GLRA3: variants seen among roughly 807,000 people sequenced by gnomAD.
The protein encoded by GLRA3 is glycine receptor subunit alpha-3.
GLRA3 carries 44 observed loss-of-function variants against 60.4 expected under a neutral mutation model. The ratio of observed to expected loss-of-function variants is 0.73; its 90% CI spans 0.57 to 0.94. GLRA3 has a LOEUF of 0.94. Among genes scored for constraint, GLRA3 ranks in the 40% least tolerant of loss-of-function variants. GLRA3 has a pLI of 0.00. For missense variants in GLRA3, 508 were observed against 564.6 expected (o/e 0.90, Z 1.02); for synonymous variants, 223 against 192.9 (o/e 1.16, Z -1.29).
At chr4:174,779,490 C>A (rs1013029387) in intron 2 of GLRA3, among the ~76,000 whole-genome samples, 2 of 152,048 alleles carry the variant, frequency 1.3e-5, no homozygotes, top group African/African-American at 2.4e-5. Flanking sequence ...TGAGAGAAGG[C>A]GGCTTCAGAT....
chr4:174,714,195 C>A (rs1429696508), intron 5 of GLRA3, among the ~76,000 whole-genome samples: 1 of 152,148 alleles, frequency 6.6e-6, no homozygotes, highest in East Asian at 1.9e-4. Context: ...AAACAATTTT[C>A]TTGCCCCTTA....
chr4:174,767,056 G>T (rs779693085), intron 2 of GLRA3, 26 bp from the exon 3 acceptor site: 4 of 1,287,276 alleles, frequency 3.1e-6, no homozygotes. Context: ...AAACATAAGG[G>T]CTGTTTAGAG....
intron 3 of GLRA3, among the ~76,000 whole-genome samples, chr4:174,763,071 A>G (rs1561102427): frequency 6.6e-6 from 1 of 152,128 alleles, no homozygotes; most frequent in Non-Finnish European, 1.5e-5. Context: ...TGTTGTTGCT[A>G]TGTAATATTC....
intron 1 of GLRA3, among the ~76,000 whole-genome samples, chr4:174,790,658 A>G (rs1442968409): frequency 1.3e-5 from 2 of 151,836 alleles, no homozygotes; most frequent in African/African-American, 2.4e-5. Flanking sequence ...ACCTGAACCA[A>G]TAATACTCTG....
chr4:174,728,419 C>A lies in GLRA3; in HGVS notation c.491+56G>T, dbSNP rs867875186. The A allele has an allele frequency of 2.6e-5, 25 of 976,396 alleles. No individual in the cohort carries two copies. The Middle Eastern group carries it at 3.8e-3, about 150-fold the overall frequency. The allele number at this position is 976,396 out of a possible 1,614,324, so 60.5% of individuals were successfully genotyped here. On this transcript the variant is annotated intron_variant, in intron 4 of 9. Coordinates refer to ENST00000274093, the MANE Select transcript of GLRA3 (RefSeq NM_006529.4). ...AACTTTCACCAAACAAACCAACCAA[C>A]AATACACCATGATATTCTATTTCAC... is the stretch of plus-strand genomic sequence containing the variant.
At chr4:174,756,266 A>C (rs1417729119) in intron 3 of GLRA3, among the ~76,000 whole-genome samples, 1 of 152,332 alleles carries the variant, frequency 6.6e-6, no homozygotes, top group South Asian at 2.1e-4. Context: ...GGAAACCAGC[A>C]TAATACTGAT....
intron 5 of GLRA3, among the ~76,000 whole-genome samples, chr4:174,685,607 C>T (rs1000424067): frequency 1.3e-5 from 2 of 152,110 alleles, no homozygotes; most frequent in African/African-American, 4.8e-5. Context: ...GACTTAATAC[C>T]TGCTTATACT....
Position 174,642,836 on chromosome 4 carries a change from A to G in GLRA3, c.*950T>C, listed in dbSNP as rs546041243. 4.2e-4 allele frequency: 317 copies of G among 756,370 alleles called. No individual in the cohort carries two copies. Among genetic ancestry groups the G allele is most frequent in the Non-Finnish European group, 5.0e-4 (310 of 621,386 alleles). The allele number at this position is 756,370 out of a possible 1,614,324, so 46.9% of individuals were successfully genotyped here. A position where few individuals can be genotyped will look rare whatever the true frequency, so the allele number is the denominator to read the frequency against. On this transcript the variant is annotated 3_prime_UTR_variant, in exon 10 of 10. Coordinates refer to ENST00000274093, the MANE Select transcript of GLRA3 (RefSeq NM_006529.4). ...CATGAATCCATTTTGTTTTCATTGTATTCATTTTTATCAAAATGTAAATAC... is the reference window on the plus strand; with the variant it reads ...CATGAATCCATTTTGTTTTCATTGTGTTCATTTTTATCAAAATGTAAATAC...
At chr4:174,810,385 C>A (rs2111367400) in intron 1 of GLRA3, among the ~76,000 whole-genome samples, 1 of 152,002 alleles carries the variant, frequency 6.6e-6, no homozygotes, top group Middle Eastern at 3.4e-3. Context: ...GTAAAGGAAA[C>A]ACATGGAATG....
chr4:174,747,619 A>C (rs1410109611), intron 3 of GLRA3, among the ~76,000 whole-genome samples: 1 of 152,144 alleles, frequency 6.6e-6, no homozygotes, highest in Non-Finnish European at 1.5e-5. Flanking sequence ...AAAAAGTGAC[A>C]TATCTGGGAA....
At chr4:174,673,025 A>T (rs1377208768) in intron 7 of GLRA3, among the ~76,000 whole-genome samples, 1 of 152,128 alleles carries the variant, frequency 6.6e-6, no homozygotes, top group Non-Finnish European at 1.5e-5. Flanking sequence ...GCATAGTGAC[A>T]CTTGTGTACT....
chr4:174,799,552 T>G (rs1352392194), intron 1 of GLRA3, among the ~76,000 whole-genome samples: 1 of 152,198 alleles, frequency 6.6e-6, no homozygotes, highest in Non-Finnish European at 1.5e-5. Context: ...ATTCTAGGAT[T>G]CACCAAAATG....
intron 1 of GLRA3, among the ~76,000 whole-genome samples, chr4:174,825,860 C>T (rs184521543): frequency 2.0e-5 from 3 of 152,090 alleles, no homozygotes; most frequent in Admixed American, 2.0e-4. Flanking sequence ...AAAGTTTCAT[C>T]TGTAGGTTTG....
chr4:174,647,444 C>A (rs562537200), intron 9 of GLRA3, among the ~76,000 whole-genome samples: 2 of 147,148 alleles, frequency 1.4e-5, no homozygotes, highest in South Asian at 4.3e-4. Context: ...AAAAACTACT[C>A]AAGGGAAAGA....
intron 5 of GLRA3, among the ~76,000 whole-genome samples, chr4:174,690,550 G>A (rs1234776416): frequency 6.6e-6 from 1 of 152,068 alleles, no homozygotes; most frequent in Non-Finnish European, 1.5e-5. Context: ...TTGAAAGTTT[G>A]TTACATACGT....
Position 174,643,653 on chromosome 4 carries a change from A to G in GLRA3, c.*133T>C, listed in dbSNP as rs763553280. 19 of 1,402,020 alleles carry G rather than the reference A, an allele frequency of 1.4e-5. No homozygotes were observed. Among genetic ancestry groups the G allele is most frequent in the Non-Finnish European group, 1.7e-5 (18 of 1,075,004 alleles). The allele number at this position is 1,402,020 out of a possible 1,614,324, so 86.8% of individuals were successfully genotyped here. On this transcript the variant is annotated 3_prime_UTR_variant, in exon 10 of 10. Transcript: ENST00000274093. ...GACTTTGCATAGCTAACCAAAATACAAAGCTTTTCCATATGCCATTTTAAT... is the reference window on the plus strand; with the variant it reads ...GACTTTGCATAGCTAACCAAAATACGAAGCTTTTCCATATGCCATTTTAAT...
intron 4 of GLRA3, among the ~76,000 whole-genome samples, chr4:174,726,846 C>T (rs1052639529): frequency 6.2e-5 from 8 of 129,826 alleles, no homozygotes; most frequent in African/African-American, 1.4e-4. Flanking sequence ...AGTGGTGGGG[C>T]GGGGTTGGGG....
At chr4:174,762,738 A>G (rs773654685) in intron 3 of GLRA3, among the ~76,000 whole-genome samples, 5 of 152,186 alleles carry the variant, frequency 3.3e-5, no homozygotes, top group Non-Finnish European at 7.3e-5. Context: ...CTTTTGAATT[A>G]AGATATAACA....
intron 2 of GLRA3, among the ~76,000 whole-genome samples, chr4:174,783,443 G>A (rs1270765431): frequency 8.4e-5 from 11 of 131,110 alleles, no homozygotes; most frequent in African/African-American, 3.1e-4. Context: ...CAAAAGCAAC[G>A]GCAACAAAAG....
Sources: gnomAD v4.1 joint callset for allele counts (sites outside exome capture counted in the v4.1 genomes callset) on GRCh38, gnomAD v4.1.1 for gene constraint, MANE v1.5 for transcripts, NCBI Gene and HGNC (gene_info 2026-07-23, HGNC 2026-07-21) for gene names.